B4GALT1: variants seen among roughly 807,000 people sequenced by gnomAD.
The protein encoded by B4GALT1 is beta-1,4-galactosyltransferase 1.
A neutral mutation model predicts 34.9 loss-of-function variants in B4GALT1; 16 were observed. That is an observed-to-expected ratio of 0.46 (90% confidence interval 0.31 to 0.70). The LOEUF (loss-of-function observed/expected upper bound fraction) is 0.70, where lower values mean the gene tolerates loss of function less well. B4GALT1 is among the 30% of genes least tolerant of loss of function. B4GALT1 has a pLI of 0.05. For missense variants in B4GALT1, 445 were observed against 530.5 expected (o/e 0.84, Z 1.58); for synonymous variants, 221 against 218.1 (o/e 1.01, Z -0.12).
rs1259043405 is a variant in B4GALT1, at chr9:33,113,024, A to C, written c.*430T>G. 1 of 258,166 alleles carries C rather than the reference A, an allele frequency of 3.9e-6. No homozygotes were observed. The highest frequency in any genetic ancestry group is 7.7e-6 in the Non-Finnish European group (1 of 130,092). 16.0% of individuals were successfully genotyped at this position (258,166 alleles called of 1,614,324 possible). A position where few individuals can be genotyped will look rare whatever the true frequency, so the allele number is the denominator to read the frequency against. On this transcript the variant is annotated 3_prime_UTR_variant, in exon 6 of 6. Transcript: ENST00000379731. ...TTTTGTGTTTTTCTGTTAAATTACA[A>C]CTACCAAAAAGATCACACCAATCCA...
intron 1 of B4GALT1, among the ~76,000 whole-genome samples, chr9:33,162,014 T>A (rs765853340): frequency 6.6e-6 from 1 of 152,190 alleles, no homozygotes; most frequent in Non-Finnish European, 1.5e-5. Flanking sequence ...TGTGGAAAGC[T>A]TGGACTGCCT....
At position 33,111,321 on chromosome 9, in the gene B4GALT1, C is replaced by T. The variant is rs561769709; in HGVS notation, c.*2133G>A. 7.9e-6 allele frequency: 1 copy of T among 127,368 alleles called. No individual in the cohort carries two copies. The highest frequency in any genetic ancestry group is 8.1e-5 in the Admixed American group (1 of 12,420). The allele number at this position is 127,368 out of a possible 1,614,324, so 7.9% of individuals were successfully genotyped here. A position where few individuals can be genotyped will look rare whatever the true frequency, so the allele number is the denominator to read the frequency against. On this transcript the variant is annotated 3_prime_UTR_variant, in exon 6 of 6. Transcript: ENST00000379731. The stretch of plus-strand genomic sequence containing the variant: ...GTTTGGTTTTAAGAGTAAAATAACA[C>T]AGAAGTTACCACTCAGGGCATTTGT...
downstream of B4GALT1, among the ~76,000 whole-genome samples, chr9:33,109,247 G>A (rs181581588): frequency 2.0e-4 from 31 of 152,374 alleles, 1 homozygote; most frequent in East Asian, 2.7e-3. Flanking sequence ...GACAGGGTCA[G>A]ATGAGCTTCC....
chr9:33,114,190 G>A (rs1839907243), intron 4 of B4GALT1, among the ~76,000 whole-genome samples: 1 of 152,258 alleles, frequency 6.6e-6, no homozygotes. Context: ...GGATGGAGGT[G>A]AGAAGAGGAA....
At chr9:33,178,942 T>G in the B4GALT1 span, 1 of 152,238 alleles carries the variant, frequency 6.6e-6, no homozygotes, top group Non-Finnish European at 1.5e-5. Flanking sequence ...ATGTAGTAGC[T>G]CTGCAGGTTG....
At chr9:33,147,433 G>C (rs115257887) in intron 1 of B4GALT1, among the ~76,000 whole-genome samples, 252 of 152,148 alleles carry the variant, frequency 1.7e-3, no homozygotes, top group African/African-American at 5.7e-3. Context: ...TTTTCATAGA[G>C]ACAGGGTTTC....
rs557673659 is a variant in B4GALT1, at chr9:33,119,449, G to C, written c.836+970C>G. ...TATAGGGCCAAGGGCGGGAGCAGTG[G>C]TTCACACCTGTAATCCCAATGCTTT... On this transcript the variant is annotated intron_variant, in intron 3 of 5. Coordinates refer to ENST00000379731, the MANE Select transcript of B4GALT1 (RefSeq NM_001497.4). Among the ~76,000 whole-genome samples, 24 of 152,338 alleles carry C rather than the reference G, an allele frequency of 1.6e-4. No individual in the cohort carries two copies. The East Asian group carries it at 4.2e-3, about 27-fold the overall frequency.
At chr9:33,131,844 C>T (rs182614303) in intron 2 of B4GALT1, among the ~76,000 whole-genome samples, 84 of 152,294 alleles carry the variant, frequency 5.5e-4, no homozygotes, top group Non-Finnish European at 1.0e-3. Context: ...TTTCTCCTTC[C>T]ACCTCTTTTT....
chr9:33,166,712 C>A, intron 1 of B4GALT1, 46 bp downstream of exon 1: 1 of 1,474,770 alleles, frequency 6.8e-7, no homozygotes, highest in Non-Finnish European at 8.9e-7. Context: ...TCGGGGAAAT[C>A]CGGGGGGGTC....
intron 1 of B4GALT1, among the ~76,000 whole-genome samples, chr9:33,146,088 C>G (rs1483469257): frequency 6.6e-6 from 1 of 152,172 alleles, no homozygotes; most frequent in Non-Finnish European, 1.5e-5. Flanking sequence ...GAAAGAGTGA[C>G]TGGGGGTCAC....
intron 1 of B4GALT1, among the ~76,000 whole-genome samples, chr9:33,146,749 A>T (rs975105172): frequency 2.7e-5 from 4 of 150,784 alleles, no homozygotes; most frequent in African/African-American, 7.3e-5. Context: ...GCTGGAGTGC[A>T]GTGGTGCAAT....
At chr9:33,130,653 C>T (rs1026142889) in intron 2 of B4GALT1, among the ~76,000 whole-genome samples, 1 of 151,420 alleles carries the variant, frequency 6.6e-6, no homozygotes, top group Non-Finnish European at 1.5e-5. Context: ...TGAGTCATAA[C>T]AACTTGTGAA....
chr9:33,135,911 A>ATGTGTGTGTGTGTGTGTATGTGTG (rs1840264543), intron 1 of B4GALT1, among the ~76,000 whole-genome samples: 1 of 135,990 alleles, frequency 7.4e-6, no homozygotes, highest in Non-Finnish European at 1.6e-5. Context: ...GTGTGTGTGT[A>ATGTGTGTGTGTGTGTGTATGTGTG]TGTGTGTGTG....
At chr9:33,153,540 C>A (rs914855442) in intron 1 of B4GALT1, among the ~76,000 whole-genome samples, 5 of 152,160 alleles carry the variant, frequency 3.3e-5, no homozygotes, top group African/African-American at 9.7e-5. Flanking sequence ...ACTATCCCTA[C>A]ACCAACTTTA....
chr9:33,148,804 TAAA>T (rs72391353), intron 1 of B4GALT1, among the ~76,000 whole-genome samples: 2 of 127,730 alleles, frequency 1.6e-5, no homozygotes, highest in Non-Finnish European at 1.7e-5. Flanking sequence ...TGCCTAAAAG[TAAA>T]AAAAAAAAAA....
intron 1 of B4GALT1, 23 bp downstream of exon 1, chr9:33,166,735 C>T: frequency 6.7e-7 from 1 of 1,492,234 alleles, no homozygotes. Context: ...AATCCTCCGA[C>T]TGGCGCCGAC....
At position 33,113,451 on chromosome 9, in the gene B4GALT1, A is replaced by G. The variant is rs377742682; in HGVS notation, c.*3T>C. The G allele has an allele frequency of 2.9e-5, 47 of 1,613,924 alleles. No homozygotes were observed. The highest frequency in any genetic ancestry group is 5.3e-5 in the African/African-American group (4 of 74,874). On this transcript the variant is annotated 3_prime_UTR_variant, in exon 6 of 6. Transcript: ENST00000379731. ...TCAGGTCTCTTATCCGTGTACCAAA[A>G]CGCTAGCTCGGTGTCCCGATGTCCA...
upstream of B4GALT1, among the ~76,000 whole-genome samples, chr9:33,169,836 T>C (rs551601485): frequency 1.3e-5 from 2 of 150,954 alleles, no homozygotes; most frequent in South Asian, 4.2e-4. Context: ...CTGCTTGATT[T>C]TTTTCAGAGT....
chr9:33,147,789 G>A (rs1280935349), intron 1 of B4GALT1, among the ~76,000 whole-genome samples: 1 of 152,152 alleles, frequency 6.6e-6, no homozygotes, highest in African/African-American at 2.4e-5. Context: ...TATAATAGAT[G>A]CAGGAGGCTG....
Sources: allele counts gnomAD v4.1 joint callset (sites outside exome capture counted in the v4.1 genomes callset), GRCh38; gene constraint gnomAD v4.1.1; transcripts MANE v1.5; gene names NCBI Gene and HGNC (gene_info 2026-07-23, HGNC 2026-07-21).